The following DACH2 variants were observed in gnomAD, a reference collection of about 807,000 sequenced individuals.
DACH2 encodes dachshund homolog 2.
A neutral mutation model predicts 35.8 loss-of-function variants in DACH2; 17 were observed. The ratio of observed to expected loss-of-function variants is 0.48; its 90% CI spans 0.33 to 0.71. The LOEUF is 0.71. Among genes scored for constraint, DACH2 ranks in the 30% least tolerant of loss-of-function variants. DACH2 has a pLI of 0.02. For missense variants in DACH2, 469 were observed against 472.7 expected, an observed-to-expected ratio of 0.99 and a Z score of 0.07; for synonymous variants, 195 against 177.3, an observed-to-expected ratio of 1.10 and a Z score of -0.79.
chrX:86,792,822 G>A (rs1368607315), intron 7 of DACH2, among the ~76,000 whole-genome samples: 1 of 111,600 alleles, frequency 9.0e-6, no homozygotes, highest in African/African-American at 3.3e-5. Context: ...TGTGAATAAT[G>A]CTACAAAACC....
At chrX:86,381,313 A>G (rs1028825294) in intron 2 of DACH2, among the ~76,000 whole-genome samples, 33 of 111,325 alleles carry the variant, frequency 3.0e-4, no homozygotes, top group African/African-American at 9.7e-4. Flanking sequence ...GATTATACAC[A>G]TACATATGAA....
intron 3 of DACH2, among the ~76,000 whole-genome samples, chrX:86,581,633 T>A (rs181977602): frequency 9.1e-6 from 1 of 110,214 alleles, no homozygotes; most frequent in Non-Finnish European, 1.9e-5. Flanking sequence ...GAAAAAAAAA[T>A]AAAAAATTGG....
intron 1 of DACH2, among the ~76,000 whole-genome samples, chrX:86,320,882 T>G (rs2035002746): frequency 8.9e-6 from 1 of 112,147 alleles, no homozygotes; most frequent in East Asian, 2.8e-4. Context: ...TTTTTGAGCC[T>G]CAGATTCCCA....
chrX:86,388,475 G>A (rs981496465), intron 2 of DACH2, among the ~76,000 whole-genome samples: 6 of 111,293 alleles, frequency 5.4e-5, no homozygotes, highest in African/African-American at 1.6e-4. Flanking sequence ...TATTCTGTAC[G>A]TATTCCCAGA....
chrX:86,567,348 C>G (rs1054281119), intron 3 of DACH2, among the ~76,000 whole-genome samples: 2 of 111,028 alleles, frequency 1.8e-5, no homozygotes, highest in African/African-American at 6.5e-5. Flanking sequence ...GATACTGGAA[C>G]AGGAATTTTA....
chrX:86,295,291 C>T (rs979701646), intron 1 of DACH2, among the ~76,000 whole-genome samples: 5 of 111,807 alleles, frequency 4.5e-5, no homozygotes, highest in East Asian at 2.8e-4. Context: ...GCACGGTGCG[C>T]GCACCCACTG....
intron 2 of DACH2, among the ~76,000 whole-genome samples, chrX:86,426,909 C>T (rs1385661383): frequency 8.9e-6 from 1 of 111,893 alleles, no homozygotes; most frequent in African/African-American, 3.2e-5. Context: ...CAATTAAAAC[C>T]CTCTAGAAAA....
chrX:86,359,681 C>A (rs1348797344), intron 1 of DACH2, among the ~76,000 whole-genome samples: 1 of 110,403 alleles, frequency 9.1e-6, no homozygotes, highest in Non-Finnish European at 1.9e-5. Flanking sequence ...CCCAGCTGGT[C>A]AAAACTACAG....
chrX:86,289,825 T>C (rs1396291001), intron 1 of DACH2, among the ~76,000 whole-genome samples: 1 of 109,593 alleles, frequency 9.1e-6, no homozygotes, highest in African/African-American at 3.3e-5. Context: ...CTATCATTGT[T>C]GGACATTTGG....
intron 2 of DACH2, among the ~76,000 whole-genome samples, chrX:86,474,716 CTGTT>C (rs1026147700): frequency 6.3e-5 from 7 of 111,049 alleles, no homozygotes; most frequent in Admixed American, 9.6e-5. Context: ...GATCTATGTT[CTGTT>C]TGTTTTTTTG....
At chrX:86,590,953 A>C (rs2039636832) in intron 3 of DACH2, among the ~76,000 whole-genome samples, 2 of 110,496 alleles carry the variant, frequency 1.8e-5, no homozygotes, top group African/African-American at 6.6e-5. Context: ...TCCTAATGCT[A>C]TCCCTCCCCC....
intron 3 of DACH2, among the ~76,000 whole-genome samples, chrX:86,603,373 C>T (rs1025711385): frequency 9.0e-6 from 1 of 110,892 alleles, no homozygotes; most frequent in Non-Finnish European, 1.9e-5. Context: ...GAACCTATAA[C>T]AGTCTGCCCT....
chrX:86,618,492 A>G (rs547568159), intron 3 of DACH2, among the ~76,000 whole-genome samples: 20 of 112,001 alleles, frequency 1.8e-4, no homozygotes, highest in African/African-American at 6.1e-4. Context: ...GTAGGTGTTC[A>G]TAATATAGAC....
At chrX:86,310,646 T>C (rs1438588284) in intron 1 of DACH2, among the ~76,000 whole-genome samples, 4 of 111,838 alleles carry the variant, frequency 3.6e-5, no homozygotes. Flanking sequence ...TGCGATTATA[T>C]ACTGATTCAT....
intron 1 of DACH2, among the ~76,000 whole-genome samples, chrX:86,242,990 C>T (rs1434145391): frequency 9.0e-6 from 1 of 111,619 alleles, no homozygotes; most frequent in African/African-American, 3.3e-5. Flanking sequence ...TTGTCTTTAT[C>T]AATTACCCAG....
intron 1 of DACH2, among the ~76,000 whole-genome samples, chrX:86,315,834 C>CAG (rs1418420950): frequency 0.047 from 3,579 of 76,689 alleles, 122 homozygotes; most frequent in African/African-American, 0.1. Flanking sequence ...CACACACACA[C>CAG]ACACACAGAG....
chrX:86,576,775 C>T (rs77585282), intron 3 of DACH2, among the ~76,000 whole-genome samples: 1 of 111,019 alleles, frequency 9.0e-6, no homozygotes, highest in South Asian at 3.8e-4. Context: ...CAATGCCTCC[C>T]TTGGGGGTGA....
At chrX:86,519,805 C>G (rs896890354) in intron 3 of DACH2, among the ~76,000 whole-genome samples, 1 of 110,724 alleles carries the variant, frequency 9.0e-6, no homozygotes, top group Non-Finnish European at 1.9e-5. Context: ...ATTAGTCTAG[C>G]TAGTGGCCTA....
At chrX:86,183,699 T>C (rs969640431) in intron 1 of DACH2, among the ~76,000 whole-genome samples, 2 of 111,886 alleles carry the variant, frequency 1.8e-5, no homozygotes, top group Non-Finnish European at 3.8e-5. Flanking sequence ...TAAAATGAAT[T>C]AGGGAGGAGT....
Sources: allele counts gnomAD v4.1 joint callset (sites outside exome capture counted in the v4.1 genomes callset), GRCh38; gene constraint gnomAD v4.1.1; transcripts MANE v1.5; gene names NCBI Gene and HGNC (gene_info 2026-07-23, HGNC 2026-07-21).